The following MTAP variants were observed in gnomAD, a reference collection of about 807,000 sequenced individuals.
The protein encoded by MTAP is S-methyl-5'-thioadenosine phosphorylase.
A neutral mutation model predicts 33.6 loss-of-function variants in MTAP; 33 were observed. That is an observed-to-expected ratio of 0.98 (90% CI 0.74 to 1.31). MTAP has a LOEUF of 1.31. MTAP is among the 40% of genes most tolerant of loss of function. The pLI is 0.00. For synonymous variants in MTAP, 148 were observed against 125.7 expected (o/e 1.18, Z -1.19); for missense variants, 367 against 360.0 (o/e 1.02, Z -0.16).
chr9:21,872,803 A>C (rs149181246), intron 1 of MTAP, among the ~76,000 whole-genome samples: 10 of 152,244 alleles, frequency 6.6e-5, no homozygotes, highest in Admixed American at 6.5e-4. Context: ...GACAGATCAG[A>C]CCTTTCAACT....
intron 4 of MTAP, among the ~76,000 whole-genome samples, chr9:21,835,512 G>T (rs1020071476): frequency 1.3e-5 from 2 of 151,990 alleles, no homozygotes; most frequent in African/African-American, 2.4e-5. Context: ...TTTCAATATA[G>T]CTGTTTTGGC....
rs1230978374 is a variant in MTAP at position 21,862,666 on chromosome 9, C to A, written c.*652C>A. On this transcript the variant is annotated 3_prime_UTR_variant, in exon 8 of 8. Transcript: ENST00000644715. ...GATTGTGAATCAGCCAACTGAAAAT[C>A]CTTTTTGCATATTTCAATGTCCTAA... 2 of 152,400 alleles carry A rather than the reference C, an allele frequency of 1.3e-5. No individual in the cohort carries two copies. The highest frequency in any genetic ancestry group is 2.9e-5 in the Non-Finnish European group (2 of 68,302). 9.4% of individuals were successfully genotyped at this position (152,400 alleles called of 1,614,324 possible). A position where few individuals can be genotyped will look rare whatever the true frequency, so the allele number is the denominator to read the frequency against.
chr9:21,883,185 A>G (rs1334934129), intron 1 of MTAP, among the ~76,000 whole-genome samples: 1 of 152,050 alleles, frequency 6.6e-6, no homozygotes, highest in Non-Finnish European at 1.5e-5. Flanking sequence ...AATCACTGAC[A>G]AAAAGGCAAA....
intron 1 of MTAP, among the ~76,000 whole-genome samples, chr9:21,884,056 C>A (rs1464323288): frequency 6.6e-6 from 1 of 152,076 alleles, no homozygotes; most frequent in African/African-American, 2.4e-5. Flanking sequence ...CAAGAAGTTT[C>A]TTTATCCTGC....
chr9:21,875,429 T>C (rs1018099597), intron 1 of MTAP, among the ~76,000 whole-genome samples: 1 of 152,160 alleles, frequency 6.6e-6, no homozygotes, highest in African/African-American at 2.4e-5. Flanking sequence ...TTCGCCCACT[T>C]TTTGATGGGG....
intron 5 of MTAP, among the ~76,000 whole-genome samples, chr9:21,844,869 A>C (rs925749573): frequency 9.9e-5 from 15 of 152,144 alleles, no homozygotes; most frequent in Admixed American, 2.6e-4. Flanking sequence ...ATCTCTACTA[A>C]AAATACAAAA....
intron 1 of MTAP, among the ~76,000 whole-genome samples, chr9:21,806,431 G>C (rs1422767720): frequency 6.6e-6 from 1 of 152,118 alleles, no homozygotes; most frequent in African/African-American, 2.4e-5. Context: ...GAGCCAAGGA[G>C]GGTGAGTGTA....
chr9:21,925,542 C>G (rs890579675), intron 1 of MTAP, among the ~76,000 whole-genome samples: 1 of 152,218 alleles, frequency 6.6e-6, no homozygotes, highest in African/African-American at 2.4e-5. Context: ...CCAAGTTGCC[C>G]TCAGAATACT....
chr9:21,940,500 A>T (rs1198913606), downstream of MTAP, among the ~76,000 whole-genome samples: 5 of 152,150 alleles, frequency 3.3e-5, no homozygotes, highest in Non-Finnish European at 4.4e-5. Context: ...TTTGTTATCT[A>T]CTTGTAAACT....
rs1825813138 is a variant in MTAP, at chr9:21,864,300, A to G, written c.*2286A>G. 5.1e-6 allele frequency: 5 copies of G among 985,090 alleles called. No individual in the cohort carries two copies. Among genetic ancestry groups the G allele is most frequent in the African/African-American group, 1.7e-5 (1 of 57,158 alleles). The allele number at this position is 985,090 out of a possible 1,614,324, so 61.0% of individuals were successfully genotyped here. On this transcript the variant is annotated 3_prime_UTR_variant, in exon 8 of 8. Coordinates refer to ENST00000644715, the MANE Select transcript of MTAP (RefSeq NM_002451.4). ...TTCCTCATACCTTATGCTTGAGGAT[A>G]TTGTTGAAGAACACTTCCTGGAACA...
chr9:21,854,416 G>A (rs960659959), intron 5 of MTAP, among the ~76,000 whole-genome samples: 2 of 152,212 alleles, frequency 1.3e-5, no homozygotes, highest in Admixed American at 1.3e-4. Flanking sequence ...TACATGCAAA[G>A]GGCTGGGGAA....
intron 1 of MTAP, among the ~76,000 whole-genome samples, chr9:21,897,438 A>G (rs373823866): frequency 1.3e-5 from 2 of 152,302 alleles, no homozygotes; most frequent in East Asian, 3.9e-4. Context: ...AGGAAGTCAA[A>G]TTGTCCCTGT....
intron 6 of MTAP, among the ~76,000 whole-genome samples, chr9:21,856,723 CAG>C: frequency 6.6e-6 from 1 of 152,292 alleles, no homozygotes; most frequent in East Asian, 1.9e-4. Flanking sequence ...GGCTTGAAGA[CAG>C]TGTTAAATGC....
intron 1 of MTAP, among the ~76,000 whole-genome samples, chr9:21,872,694 A>G (rs182331122): frequency 1.3e-5 from 2 of 152,318 alleles, no homozygotes; most frequent in South Asian, 2.1e-4. Context: ...ATGCTATACT[A>G]CACAGTCTGT....
chr9:21,836,774 C>T (rs527926593), intron 4 of MTAP, among the ~76,000 whole-genome samples: 9 of 152,226 alleles, frequency 5.9e-5, no homozygotes, highest in African/African-American at 1.4e-4. Context: ...TCCTCCAGAG[C>T]GCTGAGGCCT....
At position 21,862,894 on chromosome 9, in the gene MTAP, G is replaced by C; in HGVS notation, c.*880G>C. 1 of 932,644 alleles carries C rather than the reference G, an allele frequency of 1.1e-6. No homozygotes were observed. Among genetic ancestry groups the C allele is most frequent in the Non-Finnish European group, 1.3e-6 (1 of 782,630 alleles). The allele number at this position is 932,644 out of a possible 1,614,324, so 57.8% of individuals were successfully genotyped here. A position where few individuals can be genotyped will look rare whatever the true frequency, so the allele number is the denominator to read the frequency against. ...CTGTGTCTTCACATTTTTCTACAGT[G>C]AATTTAATCAAATAGTAAAGTTGTT... On this transcript the variant is annotated 3_prime_UTR_variant, in exon 8 of 8. Coordinates refer to ENST00000644715, the MANE Select transcript of MTAP (RefSeq NM_002451.4).
intron 4 of MTAP, among the ~76,000 whole-genome samples, chr9:21,825,592 C>G (rs1285221804): frequency 6.6e-6 from 1 of 152,188 alleles, no homozygotes; most frequent in Non-Finnish European, 1.5e-5. Context: ...AATCCTAGCA[C>G]TTTGAGAGGT....
chr9:21,832,883 A>G (rs1411026450), intron 4 of MTAP, among the ~76,000 whole-genome samples: 1 of 152,238 alleles, frequency 6.6e-6, no homozygotes, highest in African/African-American at 2.4e-5. Context: ...TCTAGAAGAC[A>G]TCTTCTATCT....
At chr9:21,820,300 A>G (rs1441533008) in intron 4 of MTAP, among the ~76,000 whole-genome samples, 1 of 152,162 alleles carries the variant, frequency 6.6e-6, no homozygotes, top group African/African-American at 2.4e-5. Flanking sequence ...TCTTTAATCT[A>G]TCTTGAATTA....
Sources: gnomAD v4.1 joint callset for allele counts (sites outside exome capture counted in the v4.1 genomes callset) on GRCh38, gnomAD v4.1.1 for gene constraint, MANE v1.5 for transcripts, NCBI Gene and HGNC (gene_info 2026-07-23, HGNC 2026-07-21) for gene names.